The following ALG14 variants were observed in gnomAD, a reference collection of about 807,000 sequenced individuals.
ALG14 encodes ALG14 UDP-N-acetylglucosaminyltransferase subunit.
A neutral mutation model predicts 22.8 loss-of-function variants in ALG14; 17 were observed. The ratio of observed to expected loss-of-function variants is 0.75; its 90% CI spans 0.51 to 1.12. The LOEUF (loss-of-function observed/expected upper bound fraction) is 1.12. ALG14 is among the 50% of genes most tolerant of loss of function. The pLI, the probability that ALG14 is intolerant of heterozygous loss-of-function variation, is 0.00. For missense variants in ALG14, 288 were observed against 271.8 expected (o/e 1.06, Z -0.42); for synonymous variants, 89 against 103.7 (o/e 0.86, Z 0.86).
chr1:94,987,091 T>C (rs1672663774), intron 3 of ALG14, among the ~76,000 whole-genome samples: 1 of 152,190 alleles, frequency 6.6e-6, no homozygotes, highest in African/African-American at 2.4e-5. Context: ...GACATCCATT[T>C]TGCCACCATG....
Position 95,072,910 on chromosome 1 carries a change from G to A in ALG14, c.-12C>T. ...AGAACGCACACCATGCAGAGAAACG[G>A]CGCATGCGTCCAACTTCCGGGGACC... is the stretch of plus-strand genomic sequence containing the variant. On this transcript the variant is annotated 5_prime_UTR_variant, in exon 1 of 4. Transcript: ENST00000370205. 6.2e-7 allele frequency: 1 copy of A among 1,613,580 alleles called. No homozygotes were observed. Among genetic ancestry groups the A allele is most frequent in the Non-Finnish European group, 8.5e-7 (1 of 1,179,902 alleles).
chr1:95,067,566 ACT>A (rs1302124558), intron 1 of ALG14: 1 of 81,304 alleles, frequency 1.2e-5, no homozygotes, highest in African/African-American at 5.3e-5. Flanking sequence ...CTTCCATTTT[ACT>A]CTTTTATTGA....
At chr1:95,011,373 C>T (rs1571602950) in intron 3 of ALG14, among the ~76,000 whole-genome samples, 1 of 152,144 alleles carries the variant, frequency 6.6e-6, no homozygotes, top group East Asian at 1.9e-4. Flanking sequence ...AATGGGATGA[C>T]GCCTTAACTG....
chr1:95,004,189 G>A (rs1337753234), intron 3 of ALG14, among the ~76,000 whole-genome samples: 3 of 150,532 alleles, frequency 2.0e-5, no homozygotes, highest in South Asian at 2.1e-4. Context: ...AACTCCAGCC[G>A]CTGACTCCAA....
At chr1:95,002,789 G>A (rs988409255) in intron 3 of ALG14, among the ~76,000 whole-genome samples, 20 of 152,220 alleles carry the variant, frequency 1.3e-4, no homozygotes, top group Non-Finnish European at 2.6e-4. Context: ...GCAGGACTCT[G>A]TAATTGCTTT....
chr1:94,986,273 T>C (rs1324428037), intron 3 of ALG14, among the ~76,000 whole-genome samples: 2 of 152,210 alleles, frequency 1.3e-5, no homozygotes, highest in Non-Finnish European at 2.9e-5. Context: ...AGTCCGCTTC[T>C]AGAACAGTGT....
intron 3 of ALG14, among the ~76,000 whole-genome samples, chr1:95,016,942 G>GGGGT (rs1028840783): frequency 7.7e-6 from 1 of 129,296 alleles, no homozygotes; most frequent in Non-Finnish European, 1.6e-5. Flanking sequence ...TTGCAAAAGG[G>GGGGT]GTGTGTGTGT....
Position 95,064,987 on chromosome 1 carries a change from A to C in ALG14, c.167T>G (p.Leu56Arg). The C allele has an allele frequency of 6.2e-7, 1 of 1,613,772 alleles. No individual in the cohort carries two copies. Among genetic ancestry groups the C allele is most frequent in the Non-Finnish European group, 8.5e-7 (1 of 1,179,796 alleles). Residue 56 changes from leucine to arginine, a missense_variant, in exon 2 of 4, where the codon CTT (leucine) becomes CGT (arginine). Transcript: ENST00000370205. ...TGAGTAGGCATTGGACAAGCTCCCA[A>C]GCAGCCTCAGGATCTCAGTGGTATG... is the stretch of plus-strand genomic sequence containing the variant. ...GGHTTEILRL[L>R]GSLSNAYSPR...
chr1:95,004,484 A>G (rs1256193541), intron 3 of ALG14, among the ~76,000 whole-genome samples: 1 of 151,468 alleles, frequency 6.6e-6, no homozygotes, highest in Non-Finnish European at 1.5e-5. Context: ...GGTCTCCCAA[A>G]ATGCTGGGAT....
chr1:95,006,594 G>A (rs975739883), intron 3 of ALG14, among the ~76,000 whole-genome samples: 22 of 152,250 alleles, frequency 1.4e-4, no homozygotes, highest in African/African-American at 4.3e-4. Flanking sequence ...GATATCCTCC[G>A]TTAGAATAAC....
chr1:95,062,582 G>A (rs768029063), intron 2 of ALG14, among the ~76,000 whole-genome samples: 1 of 152,204 alleles, frequency 6.6e-6, no homozygotes, highest in Non-Finnish European at 1.5e-5. Context: ...AGTTTGCTGA[G>A]GATAACGGCT....
intron 3 of ALG14, among the ~76,000 whole-genome samples, chr1:95,017,176 T>G (rs1464950561): frequency 6.6e-6 from 1 of 151,984 alleles, no homozygotes; most frequent in African/African-American, 2.4e-5. Context: ...AAAAAGGGGA[T>G]AATTGAAGCA....
intron 2 of ALG14, chr1:95,061,924 C>T (rs1475496058): frequency 6.6e-6 from 1 of 152,096 alleles, no homozygotes; most frequent in Non-Finnish European, 1.5e-5. Flanking sequence ...AAGGCACTCA[C>T]TCTACATAAG....
At chr1:95,007,905 A>C (rs1363706479) in intron 3 of ALG14, among the ~76,000 whole-genome samples, 1 of 152,256 alleles carries the variant, frequency 6.6e-6, no homozygotes, top group Non-Finnish European at 1.5e-5. Context: ...GACCAGTTCC[A>C]AGGTAAACTA....
intron 3 of ALG14, among the ~76,000 whole-genome samples, chr1:95,012,800 G>T (rs887929273): frequency 1.3e-5 from 2 of 152,134 alleles, no homozygotes; most frequent in Non-Finnish European, 2.9e-5. Context: ...AATCTGATGA[G>T]ATACCAGTCA....
At position 94,979,279 on chromosome 1, in the gene ALG14, G is replaced by A. The variant is rs1466434254; in HGVS notation, c.*3797C>T. On this transcript the variant is annotated 3_prime_UTR_variant, in exon 4 of 4. Coordinates refer to ENST00000370205, the MANE Select transcript of ALG14 (RefSeq NM_144988.4). The stretch of plus-strand genomic sequence containing the variant: ...TGCACTCCAGCCTGGGCGATGGAGC[G>A]AGACTGTCTCGAAAAAAAAAAAAAA... The A allele has an allele frequency of 8.9e-6, 1 of 112,192 alleles. No homozygotes were observed. The highest frequency in any genetic ancestry group is 3.7e-5 in the African/African-American group (1 of 27,156). The allele number at this position is 112,192 out of a possible 1,614,324, so 6.9% of individuals were successfully genotyped here.
chr1:95,022,308 A>G, intron 3 of ALG14: 3 of 985,348 alleles, frequency 3.0e-6, no homozygotes, highest in Non-Finnish European at 3.6e-6. Context: ...GGATGGAAGC[A>G]GCTACAGGTT....
intron 3 of ALG14, among the ~76,000 whole-genome samples, chr1:95,015,373 T>C (rs1373549040): frequency 6.6e-6 from 1 of 152,118 alleles, no homozygotes; most frequent in Non-Finnish European, 1.5e-5. Context: ...GAAAGCTTGG[T>C]TTTTGACTCT....
chr1:95,006,240 T>C (rs569319145), intron 3 of ALG14, among the ~76,000 whole-genome samples: 2 of 152,342 alleles, frequency 1.3e-5, no homozygotes, highest in East Asian at 1.9e-4. Flanking sequence ...GGTATGTACA[T>C]ATTGCAAAAC....
Sources: gnomAD v4.1 joint callset for allele counts (sites outside exome capture counted in the v4.1 genomes callset) on GRCh38, gnomAD v4.1.1 for gene constraint, MANE v1.5 for transcripts, NCBI Gene and HGNC (gene_info 2026-07-23, HGNC 2026-07-21) for gene names.